Variants in C12orf42 observed in about 807,000 individuals in gnomAD.
The protein encoded by C12orf42 is chromosome 12 open reading frame 42.
In C12orf42, 25 loss-of-function variants were observed where a neutral mutation model predicts 21.6. That is an observed-to-expected ratio of 1.16 (90% CI 0.84 to 1.62). The LOEUF (loss-of-function observed/expected upper bound fraction) is 1.62, where lower values mean the gene tolerates loss of function less well. Among genes scored for constraint, C12orf42 ranks in the 40% most tolerant of loss-of-function variants. The pLI, the probability that C12orf42 is intolerant of heterozygous loss-of-function variation, is 0.00. For missense variants in C12orf42, 483 were observed against 459.3 expected, an observed-to-expected ratio of 1.05 and a Z score of -0.47; for synonymous variants, 174 against 175.0, an observed-to-expected ratio of 0.99 and a Z score of 0.05.
At chr12:103,234,312 G>C (rs2033402416), downstream of C12orf42, among the ~76,000 whole-genome samples, 1 of 152,138 alleles carries the variant, frequency 6.6e-6, no homozygotes, top group African/African-American at 2.4e-5. Context: ...ATTAGAATAA[G>C]TGCATCAATT....
intron 4 of C12orf42, among the ~76,000 whole-genome samples, chr12:103,286,254 A>AAATG (rs766914050): frequency 1.0e-4 from 7 of 68,304 alleles, no homozygotes; most frequent in Non-Finnish European, 1.7e-4. Context: ...CCATCTCAAA[A>AAATG]AATAAATAAA....
intron 2 of C12orf42, among the ~76,000 whole-genome samples, chr12:103,469,323 C>T (rs1463004886): frequency 6.6e-6 from 1 of 152,138 alleles, no homozygotes; most frequent in Non-Finnish European, 1.5e-5. Flanking sequence ...ATTTTCTTTT[C>T]TGATTATAAA....
the C12orf42 span, among the ~76,000 whole-genome samples, chr12:103,090,657 A>G: frequency 6.6e-6 from 1 of 152,336 alleles, no homozygotes; most frequent in South Asian, 2.1e-4. Context: ...GATTATGAAT[A>G]TTCTCTTTGG....
At chr12:103,240,451 C>A (rs1484224317) in intron 10 of C12orf42, among the ~76,000 whole-genome samples, 1 of 152,156 alleles carries the variant, frequency 6.6e-6, no homozygotes, top group Non-Finnish European at 1.5e-5. Context: ...GAGGCCAGAC[C>A]ATCTGGTTTC....
chr12:103,479,013 T>C (rs1031145501), intron 1 of C12orf42, among the ~76,000 whole-genome samples: 2 of 152,160 alleles, frequency 1.3e-5, no homozygotes, highest in Non-Finnish European at 2.9e-5. Flanking sequence ...TTTCGTCTTA[T>C]TGCACTAGTT....
At chr12:103,462,327 T>A (rs1952791938) in intron 2 of C12orf42, among the ~76,000 whole-genome samples, 1 of 151,940 alleles carries the variant, frequency 6.6e-6, no homozygotes, top group Non-Finnish European at 1.5e-5. Flanking sequence ...GCCAGGCTGG[T>A]CTCGAACCCC....
the C12orf42 span, among the ~76,000 whole-genome samples, chr12:103,096,349 T>C: frequency 6.6e-6 from 1 of 152,326 alleles, no homozygotes; most frequent in East Asian, 1.9e-4. Context: ...ATGGCTATCA[T>C]TTGAATAAAA....
At chr12:103,445,001 C>T (rs1565839760) in intron 2 of C12orf42, among the ~76,000 whole-genome samples, 1 of 151,804 alleles carries the variant, frequency 6.6e-6, no homozygotes, top group African/African-American at 2.4e-5. Flanking sequence ...AAGTAATAAA[C>T]CATAAACATA....
chr12:103,372,864 C>T (rs575118792), intron 3 of C12orf42, among the ~76,000 whole-genome samples: 1 of 152,158 alleles, frequency 6.6e-6, no homozygotes, highest in Non-Finnish European at 1.5e-5. Context: ...TTGAATTTAA[C>T]TGAATGGAAT....
the C12orf42 span, among the ~76,000 whole-genome samples, chr12:103,539,337 G>C: frequency 2.7e-5 from 4 of 150,132 alleles, no homozygotes; most frequent in Non-Finnish European, 1.5e-5. Context: ...AATTGCACAG[G>C]CTTGGATTAA....
the C12orf42 span, among the ~76,000 whole-genome samples, chr12:103,111,806 C>T: frequency 6.6e-6 from 1 of 152,162 alleles, no homozygotes; most frequent in Non-Finnish European, 1.5e-5. Context: ...ATTCTAATTT[C>T]AGAATTTACC....
intron 3 of C12orf42, among the ~76,000 whole-genome samples, chr12:103,394,363 T>C (rs961728365): frequency 3.9e-5 from 6 of 152,220 alleles, no homozygotes; most frequent in Admixed American, 2.6e-4. Context: ...ACAGGTTGTC[T>C]GTCCTGCCCT....
At chr12:103,232,192 T>C in the C12orf42 span, among the ~76,000 whole-genome samples, 8 of 152,334 alleles carry the variant, frequency 5.3e-5, no homozygotes, top group East Asian at 1.5e-3. Flanking sequence ...CTTTTCTGTA[T>C]TTTGGATAAC....
chr12:103,284,770 C>A (rs920290723), intron 4 of C12orf42, among the ~76,000 whole-genome samples: 1 of 152,190 alleles, frequency 6.6e-6, no homozygotes, highest in African/African-American at 2.4e-5. Context: ...TCCCACAGAG[C>A]CACAATTGAC....
the C12orf42 span, among the ~76,000 whole-genome samples, chr12:103,161,023 A>C: frequency 6.6e-6 from 1 of 152,240 alleles, no homozygotes; most frequent in Non-Finnish European, 1.5e-5. Context: ...GTTGAGCATA[A>C]CGTCTGGCAT....
chr12:103,302,852 G>A (rs2037867632), intron 5 of C12orf42, among the ~76,000 whole-genome samples: 1 of 151,952 alleles, frequency 6.6e-6, no homozygotes. Flanking sequence ...AAGGAAAACT[G>A]TTCAAAACTC....
At chr12:103,268,228 A>C (rs1376114487), downstream of C12orf42, 1 of 151,970 alleles carries the variant, frequency 6.6e-6, no homozygotes, top group Non-Finnish European at 1.5e-5. Context: ...TTTGTATAAC[A>C]ATTGGAGTAA....
intron 2 of C12orf42, among the ~76,000 whole-genome samples, chr12:103,424,535 A>C (rs1359026301): frequency 6.6e-6 from 1 of 152,200 alleles, no homozygotes; most frequent in African/African-American, 2.4e-5. Context: ...GAGTGGAAGC[A>C]GGGCAGGGCA....
At chr12:103,131,595 A>G in the C12orf42 span, among the ~76,000 whole-genome samples, 1 of 152,162 alleles carries the variant, frequency 6.6e-6, no homozygotes, top group Non-Finnish European at 1.5e-5. Context: ...AATTATTTTC[A>G]CTGTTCTAAA....
Sources: gnomAD v4.1 joint callset for allele counts (sites outside exome capture counted in the v4.1 genomes callset) on GRCh38, gnomAD v4.1.1 for gene constraint, MANE v1.5 for transcripts, NCBI Gene and HGNC (gene_info 2026-07-23, HGNC 2026-07-21) for gene names.